KDM4C: variants seen among roughly 807,000 people sequenced by gnomAD.
KDM4C encodes lysine-specific demethylase 4C.
KDM4C carries 81 observed loss-of-function variants against 129.3 expected under a neutral mutation model. The observed-to-expected ratio is 0.63, with a 90% CI of 0.52 to 0.75. KDM4C has a LOEUF of 0.75. Ranked by LOEUF, KDM4C falls within the 30% of genes least tolerant of loss-of-function variation. The pLI, the probability that KDM4C is intolerant of heterozygous loss-of-function variation, is 0.00. For synonymous variants in KDM4C, 573 were observed against 456.1 expected, an observed-to-expected ratio of 1.26 and a Z score of -3.26; for missense variants, 1,457 against 1,304.0, an observed-to-expected ratio of 1.12 and a Z score of -1.81.
chr9:6,907,110 A>G (rs1312103325), intron 8 of KDM4C, among the ~76,000 whole-genome samples: 1 of 152,232 alleles, frequency 6.6e-6, no homozygotes, highest in Non-Finnish European at 1.5e-5. Context: ...AATCTCTGCT[A>G]TACAGCTGTT....
At chr9:6,845,814 A>G (rs1837759431) in intron 4 of KDM4C, among the ~76,000 whole-genome samples, 1 of 152,226 alleles carries the variant, frequency 6.6e-6, no homozygotes, top group Non-Finnish European at 1.5e-5. Flanking sequence ...TGCCTGCTGA[A>G]CATGTGTGGG....
intron 1 of KDM4C, among the ~76,000 whole-genome samples, chr9:6,781,820 A>G (rs773929230): frequency 7.0e-6 from 1 of 142,430 alleles, no homozygotes; most frequent in Non-Finnish European, 1.5e-5. Flanking sequence ...GTTATAAATA[A>G]TTTTTTTTTT....
chr9:7,006,201 C>G (rs1021733085), intron 12 of KDM4C, among the ~76,000 whole-genome samples: 5 of 152,178 alleles, frequency 3.3e-5, no homozygotes, highest in Non-Finnish European at 5.9e-5. Flanking sequence ...TGGAGTTTCT[C>G]TGAATGTCTT....
chr9:6,982,321 C>G (rs945943496), intron 9 of KDM4C: 1 of 151,968 alleles, frequency 6.6e-6, no homozygotes, highest in Non-Finnish European at 1.5e-5. Flanking sequence ...AGAGGTAGAC[C>G]TGAGGTGCAG....
intron 12 of KDM4C, among the ~76,000 whole-genome samples, chr9:6,997,118 A>G (rs942497764): frequency 4.6e-5 from 7 of 152,200 alleles, no homozygotes; most frequent in Admixed American, 2.6e-4. Flanking sequence ...CACCTGCCGC[A>G]TGGAGGAATT....
At chr9:6,952,443 T>C (rs1003808403) in intron 8 of KDM4C, among the ~76,000 whole-genome samples, 19 of 149,682 alleles carry the variant, frequency 1.3e-4, no homozygotes, top group Non-Finnish European at 2.4e-4. Flanking sequence ...TAATAATTAT[T>C]ATTATATGTT....
At chr9:6,801,524 A>G (rs890578462) in intron 2 of KDM4C, among the ~76,000 whole-genome samples, 1 of 150,948 alleles carries the variant, frequency 6.6e-6, no homozygotes, top group African/African-American at 2.4e-5. Flanking sequence ...GGCGTGAGCT[A>G]CCGTGCCCAG....
chr9:6,984,279 T>G lies in KDM4C; in HGVS notation c.1229T>G (p.Leu410Arg). 6.2e-7 allele frequency: 1 copy of G among 1,613,978 alleles called. No homozygotes were observed. Among genetic ancestry groups the G allele is most frequent in the Non-Finnish European group, 8.5e-7 (1 of 1,179,900 alleles). Reference sequence around the variant, plus strand: ...AACCCCGACTCAGTCACAGATGACCTCAAGGTCAGTGAAAAGTCAGAAGCA... The same window carrying G: ...AACCCCGACTCAGTCACAGATGACCGCAAGGTCAGTGAAAAGTCAGAAGCA... ...VPNPDSVTDD[L>R]KVSEKSEAAV... is the part of the protein sequence containing the mutation. The change falls in exon 10 of 22, where the codon CTC becomes CGC. Residue 410 changes from leucine (L) to arginine (R), a missense_variant. Transcript: ENST00000381309.
chr9:6,799,716 C>G (rs1828563817), intron 2 of KDM4C, among the ~76,000 whole-genome samples: 1 of 139,038 alleles, frequency 7.2e-6, no homozygotes, highest in Non-Finnish European at 1.5e-5. Context: ...TTGTGGATAT[C>G]TTTATTGCTA....
At chr9:7,001,620 C>G (rs1820733967) in intron 12 of KDM4C, among the ~76,000 whole-genome samples, 1 of 152,180 alleles carries the variant, frequency 6.6e-6, no homozygotes, top group African/African-American at 2.4e-5. Context: ...ACTTGAAGTT[C>G]TCTCCCTAGC....
At chr9:6,848,918 A>G (rs1471390797) in intron 4 of KDM4C, among the ~76,000 whole-genome samples, 1 of 152,264 alleles carries the variant, frequency 6.6e-6, no homozygotes, top group Non-Finnish European at 1.5e-5. Flanking sequence ...CAGTAGAAGC[A>G]CAGTGATCAG....
intron 8 of KDM4C, among the ~76,000 whole-genome samples, chr9:6,964,791 A>G (rs923979677): frequency 2.0e-5 from 3 of 150,686 alleles, no homozygotes; most frequent in African/African-American, 7.3e-5. Flanking sequence ...CAAAAAAAAA[A>G]AAAAAAAAAA....
At chr9:6,957,504 AT>A (rs934790447) in intron 8 of KDM4C, among the ~76,000 whole-genome samples, 13 of 149,100 alleles carry the variant, frequency 8.7e-5, no homozygotes, top group East Asian at 2.0e-4. Context: ...ATATTAGGTA[AT>A]TTTTTTTTTT....
At chr9:7,009,692 A>T (rs960767691) in intron 12 of KDM4C, among the ~76,000 whole-genome samples, 5 of 152,220 alleles carry the variant, frequency 3.3e-5, no homozygotes, top group Non-Finnish European at 1.5e-5. Context: ...TTATTATGAA[A>T]GTAGTTTTGA....
chr9:6,793,395 A>G (rs913795987), intron 2 of KDM4C, among the ~76,000 whole-genome samples: 2 of 151,816 alleles, frequency 1.3e-5, no homozygotes, highest in African/African-American at 4.8e-5. Flanking sequence ...GAAACCAAGG[A>G]GATCCATGTA....
intron 17 of KDM4C, among the ~76,000 whole-genome samples, chr9:7,083,429 G>A (rs1834761362): frequency 6.6e-6 from 1 of 152,188 alleles, no homozygotes; most frequent in Non-Finnish European, 1.5e-5. Flanking sequence ...TCATTACGCA[G>A]TTTTGTCTGT....
chr9:7,087,278 T>C (rs1160189569), intron 17 of KDM4C, among the ~76,000 whole-genome samples: 1 of 151,656 alleles, frequency 6.6e-6, no homozygotes, highest in Non-Finnish European at 1.5e-5. Flanking sequence ...TGAAGGCTTT[T>C]TTTTTTGAAA....
At chr9:7,045,834 G>A (rs532534142) in intron 15 of KDM4C, among the ~76,000 whole-genome samples, 2 of 151,968 alleles carry the variant, frequency 1.3e-5, no homozygotes, top group African/African-American at 4.8e-5. Flanking sequence ...TTTTGGTATC[G>A]TTTTCCTCAG....
chr9:6,848,433 G>A (rs1838237427), intron 4 of KDM4C, among the ~76,000 whole-genome samples: 1 of 152,106 alleles, frequency 6.6e-6, no homozygotes, highest in Admixed American at 6.5e-5. Flanking sequence ...TTGGGAGGCC[G>A]AGGTGGGCAG....
Sources: gnomAD v4.1 joint callset for allele counts (sites outside exome capture counted in the v4.1 genomes callset) on GRCh38, gnomAD v4.1.1 for gene constraint, MANE v1.5 for transcripts, NCBI Gene and HGNC (gene_info 2026-07-23, HGNC 2026-07-21) for gene names.